VEGFC: variants seen among roughly 807,000 people sequenced by gnomAD.
VEGFC encodes vascular endothelial growth factor C.
In VEGFC, 12 loss-of-function variants were observed where a neutral mutation model predicts 46.1. That is an observed-to-expected ratio of 0.26 (90% confidence interval 0.17 to 0.42). VEGFC has a LOEUF of 0.42. Ranked by LOEUF, VEGFC falls within the 10% of genes least tolerant of loss-of-function variation. The pLI is 1.00. For missense variants in VEGFC, 488 were observed against 529.4 expected (o/e 0.92, Z 0.77); for synonymous variants, 232 against 195.5 (o/e 1.19, Z -1.56).
chr4:176,722,572 T>G (rs1734807412), intron 3 of VEGFC, among the ~76,000 whole-genome samples: 1 of 150,328 alleles, frequency 6.7e-6, no homozygotes, highest in Admixed American at 6.7e-5. Context: ...CTTTACTCAC[T>G]GCAGCCTCTG....
intron 1 of VEGFC, among the ~76,000 whole-genome samples, chr4:176,731,340 T>C (rs1734961572): frequency 6.6e-6 from 1 of 152,084 alleles, no homozygotes; most frequent in African/African-American, 2.4e-5. Flanking sequence ...TAAAAGTGAT[T>C]ATAAAAATAA....
At chr4:176,700,879 TA>T (rs1245660331) in intron 4 of VEGFC, among the ~76,000 whole-genome samples, 1 of 151,920 alleles carries the variant, frequency 6.6e-6, no homozygotes, top group Non-Finnish European at 1.5e-5. Context: ...ATGATGACAA[TA>T]AAAAACACGT....
intron 1 of VEGFC, among the ~76,000 whole-genome samples, chr4:176,775,496 A>C (rs1735799904): frequency 6.6e-6 from 1 of 152,170 alleles, no homozygotes; most frequent in Non-Finnish European, 1.5e-5. Flanking sequence ...ACCTCTAAAC[A>C]TTCCATTGAC....
intron 3 of VEGFC, among the ~76,000 whole-genome samples, chr4:176,727,450 CAT>C (rs1183458327): frequency 6.6e-6 from 1 of 152,124 alleles, no homozygotes; most frequent in Non-Finnish European, 1.5e-5. Flanking sequence ...GCCAAATGAA[CAT>C]GTTTATTCTT....
intron 1 of VEGFC, among the ~76,000 whole-genome samples, chr4:176,747,947 A>G (rs2094870919): frequency 1.3e-5 from 2 of 151,850 alleles, no homozygotes; most frequent in Admixed American, 6.6e-5. Flanking sequence ...ATTTTTAAAA[A>G]TATTATTTAA....
At chr4:176,702,612 A>C (rs895676452) in intron 4 of VEGFC, among the ~76,000 whole-genome samples, 1 of 152,054 alleles carries the variant, frequency 6.6e-6, no homozygotes, top group Non-Finnish European at 1.5e-5. Context: ...TTCACAGCTT[A>C]AGACTGAAAT....
chr4:176,725,623 A>G (rs1734861071), intron 3 of VEGFC, among the ~76,000 whole-genome samples: 1 of 152,230 alleles, frequency 6.6e-6, no homozygotes, highest in African/African-American at 2.4e-5. Context: ...TTTGATTTAA[A>G]TCAAATACCA....
intron 1 of VEGFC, among the ~76,000 whole-genome samples, chr4:176,735,115 G>C (rs1735031758): frequency 6.6e-6 from 1 of 151,570 alleles, no homozygotes; most frequent in South Asian, 2.1e-4. Flanking sequence ...CATCTCCTCT[G>C]GGAACTCCTT....
intron 1 of VEGFC, among the ~76,000 whole-genome samples, chr4:176,737,618 T>C (rs1231994652): frequency 6.6e-6 from 1 of 151,434 alleles, no homozygotes; most frequent in Non-Finnish European, 1.5e-5. Context: ...CTGAACAGAA[T>C]AATCATAAAA....
chr4:176,719,578 T>A (rs1734749307), intron 3 of VEGFC, among the ~76,000 whole-genome samples: 1 of 152,232 alleles, frequency 6.6e-6, no homozygotes, highest in African/African-American at 2.4e-5. Flanking sequence ...TTTGTACTTT[T>A]CCTTCACAAC....
chr4:176,734,011 C>G (rs918957041), intron 1 of VEGFC, among the ~76,000 whole-genome samples: 1 of 151,598 alleles, frequency 6.6e-6, no homozygotes, highest in Non-Finnish European at 1.5e-5. Flanking sequence ...GATGGTAAGA[C>G]CTTATCTTCT....
In VEGFC at chr4:176,687,463, G is replaced by T; in HGVS notation, c.869C>A (p.Thr290Asn). Residue 290 changes from threonine to asparagine, a missense_variant, in exon 6 of 7, where the codon ACC becomes AAC. By Grantham distance (65) the Thr-to-Asn change is moderately conservative (BLOSUM62 0). Transcript: ENST00000618562. Reference sequence around the variant, plus strand: ...CCCCGCTCTGCAGACACACTGACAGGTCTCTTCATCCAGCTCCTTGTTTGG... The same window carrying T: ...CCCCGCTCTGCAGACACACTGACAGTTCTCTTCATCCAGCTCCTTGTTTGG... The part of the protein sequence containing the change: ...CGPNKELDEE[T>N]CQCVCRAGLR... The T allele has an allele frequency of 6.2e-7, 1 of 1,613,936 alleles. No individual in the cohort carries two copies. Among genetic ancestry groups the T allele is most frequent in the Non-Finnish European group, 8.5e-7 (1 of 1,179,922 alleles).
intron 1 of VEGFC, among the ~76,000 whole-genome samples, chr4:176,777,807 TACTC>T (rs1227489709): frequency 2.7e-5 from 4 of 150,110 alleles, no homozygotes; most frequent in African/African-American, 7.4e-5. Flanking sequence ...TAGTCCCTGC[TACTC>T]GGGAGGCTGG....
intron 3 of VEGFC, among the ~76,000 whole-genome samples, chr4:176,718,535 A>G (rs1734731923): frequency 6.6e-6 from 1 of 152,176 alleles, no homozygotes; most frequent in Admixed American, 6.5e-5. Context: ...GCTTTATAAA[A>G]TAATGAAAAA....
chr4:176,744,741 G>A (rs1327711275), intron 1 of VEGFC, among the ~76,000 whole-genome samples: 1 of 152,050 alleles, frequency 6.6e-6, no homozygotes, highest in African/African-American at 2.4e-5. Context: ...ATACTTCAGT[G>A]TAGATAATAT....
chr4:176,754,408 A>G (rs1735398656), intron 1 of VEGFC, among the ~76,000 whole-genome samples: 1 of 152,004 alleles, frequency 6.6e-6, no homozygotes, highest in African/African-American at 2.4e-5. Flanking sequence ...GGCTACGATC[A>G]AGGTGTCTGG....
Position 176,727,933 on chromosome 4 carries a change from G to A in VEGFC, c.397C>T (p.Pro133Ser), listed in dbSNP as rs761700247. ...CCCACATCTATACACACCTCCCGTG[G>A]CATGCATTGAGTCTTTCTCCACTCA... ...DNEWRKTQCM[P>S]REVCIDVGKE... is the part of the protein sequence containing the mutation. The change falls in exon 3 of 7, where the codon CCA becomes TCA. Residue 133 changes from proline to serine, a missense_variant. Physicochemically the swap from Pro to Ser is moderately conservative, Grantham distance 74 (BLOSUM62 -1). Coordinates refer to ENST00000618562, the MANE Select transcript of VEGFC (RefSeq NM_005429.5). 6.2e-7 allele frequency: 1 copy of A among 1,612,166 alleles called. No individual in the cohort carries two copies. Among genetic ancestry groups the A allele is most frequent in the Non-Finnish European group, 8.5e-7 (1 of 1,179,016 alleles).
chr4:176,787,865 A>G (rs1736029721), intron 1 of VEGFC, among the ~76,000 whole-genome samples: 1 of 151,856 alleles, frequency 6.6e-6, no homozygotes, highest in Non-Finnish European at 1.5e-5. Flanking sequence ...GTTCTCTGCT[A>G]TATCTGTTTT....
intron 1 of VEGFC, among the ~76,000 whole-genome samples, chr4:176,790,418 AT>A (rs1736070344): frequency 6.6e-6 from 1 of 152,182 alleles, no homozygotes. Flanking sequence ...CAATGGTAAA[AT>A]TTGCCATATC....
Sources: allele counts gnomAD v4.1 joint callset (sites outside exome capture counted in the v4.1 genomes callset), GRCh38; gene constraint gnomAD v4.1.1; transcripts MANE v1.5; gene names NCBI Gene and HGNC (gene_info 2026-07-23, HGNC 2026-07-21).